The following IL4I1 variants were observed in gnomAD, a reference collection of about 807,000 sequenced individuals.
IL4I1 encodes interleukin 4 induced 1.
Under a neutral mutation model 29.7 loss-of-function variants are expected in IL4I1, and 24 were observed. The ratio of observed to expected loss-of-function variants is 0.81; its 90% CI spans 0.59 to 1.14. The LOEUF is 1.14. Ranked by LOEUF, IL4I1 falls within the 50% of genes most tolerant of loss-of-function variation. The pLI is 0.00. For synonymous variants in IL4I1, 371 were observed against 352.5 expected (o/e 1.05, Z -0.59); for missense variants, 686 against 785.6 (o/e 0.87, Z 1.52).
At position 49,909,430 on chromosome 19, in the gene IL4I1, C is replaced by T. The variant is rs61741016; in HGVS notation, c.-227-5109G>A. The T allele has an allele frequency of 3.0e-4, 492 of 1,613,822 alleles. No homozygotes were observed. Among genetic ancestry groups the T allele is most frequent in the Admixed American group, 1.9e-3 (115 of 59,996 alleles). ...TGCCCTGGCTGGAGGTGACGGTGCT[C>T]GATATGGCATTAGTGAGGTTGCTGC... On this transcript the variant is annotated intron_variant, in intron 2 of 9. Coordinates refer to the IL4I1 transcript ENST00000341114.
intron 2 of IL4I1, among the ~76,000 whole-genome samples, chr19:49,916,588 C>T (rs2075629316): frequency 6.6e-6 from 1 of 151,784 alleles, no homozygotes; most frequent in South Asian, 2.1e-4. Context: ...GGTGAAACCC[C>T]GTCTGCACTA....
At chr19:49,900,951 TGGGGGCCTCGTGGCCCATCA>T (rs2075266040), upstream of IL4I1, among the ~76,000 whole-genome samples, 1 of 152,234 alleles carries the variant, frequency 6.6e-6, no homozygotes, top group Admixed American at 6.5e-5. Flanking sequence ...CTGGCCCCAC[TGGGGGCCTCGTGGCCCATCA>T]GGGCAGCTGA....
intron 2 of IL4I1, among the ~76,000 whole-genome samples, chr19:49,919,416 G>A (rs1039197985): frequency 6.6e-6 from 1 of 152,202 alleles, no homozygotes; most frequent in Non-Finnish European, 1.5e-5. Flanking sequence ...ATGTATCTTA[G>A]AAATCGTTTT....
In IL4I1 at chr19:49,890,928, T is replaced by TTCCCCCCCCCCCCCCCCCC; in HGVS notation, c.773+42_773+43insGGGGGGGGGGGGGGGGGGA. Reference sequence around the variant, plus strand: ...CCCACTCCCTGCTACTTTCCCTGATTGCCCCCCGCCCCCCCCCCCTGCCCG... The same window carrying TTCCCCCCCCCCCCCCCCCC: ...CCCACTCCCTGCTACTTTCCCTGATTTCCCCCCCCCCCCCCCCCCGCCCCCCGCCCCCCCCCCCTGCCCG... On this transcript the variant is annotated intron_variant, in intron 7 of 7. Coordinates refer to ENST00000391826, the MANE Select transcript of IL4I1 (RefSeq NM_152899.2). 2.2e-5 allele frequency: 14 copies of TTCCCCCCCCCCCCCCCCCC among 633,208 alleles called. No homozygotes were observed. The South Asian group carries it at 2.9e-4, about 13-fold the overall frequency. The allele number at this position is 633,208 out of a possible 1,614,324, so 39.2% of individuals were successfully genotyped here. A position where few individuals can be genotyped will look rare whatever the true frequency, so the allele number is the denominator to read the frequency against.
chr19:49,893,356 C>A (rs554432171), intron 5 of IL4I1, among the ~76,000 whole-genome samples: 51 of 128,020 alleles, frequency 4.0e-4, no homozygotes, highest in South Asian at 3.8e-3. Flanking sequence ...AAGCGTCAGG[C>A]GGCAGGGGTG....
chr19:49,890,162 C>G lies in IL4I1; in HGVS notation c.1212G>C (p.Ala404=), dbSNP rs757552751. ...CCCGGCTCAAGCCGGCGAACGCTGC[C>G]GCCGCGTCCGACCACGTGTACGAGG... ...LLASYTWSDA[A]AAFAGLSREE... is the part of the protein sequence containing the mutation. Residue 404 remains alanine (A), a synonymous_variant, in exon 8 of 8, where the codon GCG becomes GCC. Coordinates refer to ENST00000391826, the MANE Select transcript of IL4I1 (RefSeq NM_152899.2). 3.2e-5 allele frequency: 49 copies of G among 1,541,850 alleles called. No homozygotes were observed. The highest frequency in any genetic ancestry group is 3.9e-5 in the Non-Finnish European group (45 of 1,143,094).
In IL4I1 at chr19:49,895,142, G is replaced by A; in HGVS notation, c.291C>T (p.Arg97=). The A allele has an allele frequency of 6.2e-7, 1 of 1,613,880 alleles. No homozygotes were observed. The highest frequency in any genetic ancestry group is 8.5e-7 in the Non-Finnish European group (1 of 1,179,854). Residue 97 remains arginine (R), a synonymous_variant, in exon 4 of 8, where the codon CGC becomes CGT. Coordinates refer to ENST00000391826, the MANE Select transcript of IL4I1 (RefSeq NM_152899.2). The stretch of plus-strand genomic sequence containing the variant: ...TGTTCTGGTCCCGGTAGGTGAAGAT[G>A]CGGCCCCCGATCCTGTTATCTGCCT... ...ILEADNRIGG[R]IFTYRDQNTG...
chr19:49,913,406 A>G (rs2075531371), intron 2 of IL4I1, among the ~76,000 whole-genome samples: 1 of 152,188 alleles, frequency 6.6e-6, no homozygotes, highest in Admixed American at 6.5e-5. Flanking sequence ...TAGAGAGTCC[A>G]TGTTGACGCT....
At chr19:49,929,308 G>A (rs2076005961) in intron 1 of IL4I1, 2 of 154,456 alleles carry the variant, frequency 1.3e-5, no homozygotes, top group South Asian at 2.0e-4. Context: ...TGTGCCCCCG[G>A]CCCGTCTCCG....
chr19:49,909,066 C>T (rs372552983), intron 2 of IL4I1: 58 of 1,612,512 alleles, frequency 3.6e-5, no homozygotes, highest in Non-Finnish European at 4.6e-5. Context: ...GCAGTGGGGG[C>T]GCCCGCTGTG....
chr19:49,905,118 T>C (rs1020707330), intron 2 of IL4I1, among the ~76,000 whole-genome samples: 3 of 152,186 alleles, frequency 2.0e-5, no homozygotes, highest in African/African-American at 7.2e-5. Context: ...AAAGCTGGAA[T>C]TTATTTTAAA....
chr19:49,922,523 A>G (rs926166991), intron 2 of IL4I1, among the ~76,000 whole-genome samples: 3 of 151,854 alleles, frequency 2.0e-5, no homozygotes, highest in African/African-American at 4.8e-5. Flanking sequence ...ACCAGCCTCA[A>G]TCCTCGGAGA....
At chr19:49,920,324 G>A (rs1401382019) in intron 2 of IL4I1, among the ~76,000 whole-genome samples, 2 of 152,092 alleles carry the variant, frequency 1.3e-5, no homozygotes, top group Non-Finnish European at 2.9e-5. Context: ...CTTGAGATCC[G>A]CCCACCTCGG....
intron 2 of IL4I1, chr19:49,907,504 C>T: frequency 2.3e-6 from 1 of 440,060 alleles, no homozygotes; most frequent in Non-Finnish European, 4.5e-6. Context: ...CAAGCTCACA[C>T]TCGAAAACTA....
intron 6 of IL4I1, 95 bp downstream of exon 6, chr19:49,891,310 T>G: frequency 6.9e-7 from 1 of 1,458,188 alleles, no homozygotes; most frequent in Non-Finnish European, 9.6e-7. Flanking sequence ...GTGGCAGGAC[T>G]AGGGTGCCAG....
Position 49,890,035 on chromosome 19 carries a change from C to G in IL4I1, c.1339G>C (p.Asp447His), listed in dbSNP as rs2075108782. The G allele has an allele frequency of 2.6e-6, 4 of 1,551,556 alleles. No individual in the cohort carries two copies. In the East Asian group the frequency reaches 9.8e-5, roughly 38 times the overall value. The change falls in exon 8 of 8, where the codon GAC becomes CAC. Residue 447 changes from aspartate to histidine, a missense_variant. Transcript: ENST00000391826. ...ACAAAGCCACCCTGGCTGTGCTGGTCCTCCGCCCAACGCTTGACGACGCCG... is the reference window on the plus strand; with the variant it reads ...ACAAAGCCACCCTGGCTGTGCTGGTGCTCCGCCCAACGCTTGACGACGCCG... The part of the protein sequence containing the change: ...GTGVVKRWAE[D>H]QHSQGGFVVQ...
At position 49,895,936 on chromosome 19, in the gene IL4I1, T is replaced by C. The variant is rs200616330; in HGVS notation, c.131A>G (p.Gln44Arg). 2.2e-5 allele frequency: 35 copies of C among 1,614,210 alleles called. No individual in the cohort carries two copies. In the East Asian group the frequency reaches 7.8e-4, roughly 36 times the overall value. ...CCCCCAGGTCACCACCTTGAGCAGC[T>C]GCTCATAGTCAGGATCCTGCATGCA... ...EKCMQDPDYE[Q>R]LLKVVTWGLN... The change falls in exon 3 of 8, where the codon CAG becomes CGG. Residue 44 changes from glutamine (Q) to arginine (R), a missense_variant. Coordinates refer to ENST00000391826, the MANE Select transcript of IL4I1 (RefSeq NM_152899.2).
chr19:49,919,719 A>T (rs935445557), intron 2 of IL4I1, among the ~76,000 whole-genome samples: 2 of 152,188 alleles, frequency 1.3e-5, no homozygotes, highest in African/African-American at 2.4e-5. Context: ...AGGAAAAACG[A>T]ATCAGCTAAG....
intron 2 of IL4I1, chr19:49,908,782 C>T (rs754842995): frequency 6.2e-7 from 1 of 1,613,790 alleles, no homozygotes; most frequent in Non-Finnish European, 8.5e-7. Flanking sequence ...CCTCTAGCTC[C>T]AGGCTCCATT....
Sources: gnomAD v4.1 joint callset for allele counts (sites outside exome capture counted in the v4.1 genomes callset) on GRCh38, gnomAD v4.1.1 for gene constraint, MANE v1.5 for transcripts, NCBI Gene and HGNC (gene_info 2026-07-23, HGNC 2026-07-21) for gene names.